FAM53B: variants seen among roughly 807,000 people sequenced by gnomAD.
FAM53B encodes the protein family with sequence similarity 53 member B, also known as protein FAM53B.
In FAM53B, 12 loss-of-function variants were observed where a neutral mutation model predicts 32.7. That is an observed-to-expected ratio of 0.37 (90% CI 0.24 to 0.59). The LOEUF (loss-of-function observed/expected upper bound fraction) is 0.59. Ranked by LOEUF, FAM53B falls within the 20% of genes least tolerant of loss-of-function variation. The probability of loss-of-function intolerance (pLI) is 0.72; values close to 1 mark genes in which losing one functional copy is unlikely to be tolerated. For missense variants in FAM53B, 477 were observed against 577.7 expected (o/e 0.83, Z 1.79); for synonymous variants, 234 against 228.7 (o/e 1.02, Z -0.21).
Position 124,651,379 on chromosome 10 carries a change from C to T in FAM53B, c.907-27775G>A, listed in dbSNP as rs927928478. On this transcript the variant is annotated intron_variant, in intron 4 of 4. Coordinates refer to ENST00000337318, the MANE Select transcript of FAM53B (RefSeq NM_014661.4). The surrounding 1 kb of genome is among the most constrained non-coding windows in gnomAD (Gnocchi z 5.2). ...AGCAGAGGGTGCTGCCTGGCATCCTCCTGAGCCTGCTCTGCTCTGTCCTCC... is the reference window on the plus strand; with the variant it reads ...AGCAGAGGGTGCTGCCTGGCATCCTTCTGAGCCTGCTCTGCTCTGTCCTCC... Among the ~76,000 whole-genome samples, 1 of 152,226 alleles carries T rather than the reference C, an allele frequency of 6.6e-6. No homozygotes were observed. The highest frequency in any genetic ancestry group is 1.5e-5 in the Non-Finnish European group (1 of 68,036).
intron 1 of FAM53B, among the ~76,000 whole-genome samples, chr10:124,711,603 T>C (rs1052609910): frequency 6.6e-6 from 1 of 151,610 alleles, no homozygotes; most frequent in Non-Finnish European, 1.5e-5. Flanking sequence ...ACCAAAAGAG[T>C]GTATTATGCT....
chr10:124,677,590 G>A (rs1398449020), intron 4 of FAM53B, among the ~76,000 whole-genome samples: 8 of 152,230 alleles, frequency 5.3e-5, no homozygotes, highest in East Asian at 1.9e-4. Context: ...GGCTTTCCTC[G>A]CTACAGTCAG....
At chr10:124,654,720 T>G (rs1367558864) in intron 4 of FAM53B, among the ~76,000 whole-genome samples, 1 of 152,050 alleles carries the variant, frequency 6.6e-6, no homozygotes, top group African/African-American at 2.4e-5. Context: ...ATGAGTGGTG[T>G]TGTGGGTAGG....
intron 4 of FAM53B, 37 bp from the exon 5 acceptor site, chr10:124,623,641 C>G: frequency 6.3e-7 from 1 of 1,579,658 alleles, no homozygotes; most frequent in Non-Finnish European, 8.6e-7. Flanking sequence ...CTAAGGGTTA[C>G]TCCCCTCCCG....
chr10:124,732,018 C>T (rs1412667854), intron 1 of FAM53B, among the ~76,000 whole-genome samples: 4 of 152,206 alleles, frequency 2.6e-5, no homozygotes, highest in Non-Finnish European at 5.9e-5. Context: ...CCAGGATCAG[C>T]CCTGAGCAGA....
intron 4 of FAM53B, among the ~76,000 whole-genome samples, chr10:124,629,811 C>T (rs1249213177): frequency 6.6e-6 from 1 of 152,202 alleles, no homozygotes; most frequent in Non-Finnish European, 1.5e-5. Flanking sequence ...TATTTTTGGC[C>T]CATCTTTAAC....
chr10:124,730,210 T>TA (rs974599129), intron 1 of FAM53B, among the ~76,000 whole-genome samples: 1 of 152,194 alleles, frequency 6.6e-6, no homozygotes, highest in Non-Finnish European at 1.5e-5. Flanking sequence ...AACAATGGTA[T>TA]AACCCATCAG....
At chr10:124,731,098 C>A (rs1440234741) in intron 1 of FAM53B, among the ~76,000 whole-genome samples, 4 of 152,176 alleles carry the variant, frequency 2.6e-5, no homozygotes, top group Non-Finnish European at 4.4e-5. Flanking sequence ...AGCTAAATGA[C>A]CTTGGGCACT....
intron 1 of FAM53B, among the ~76,000 whole-genome samples, chr10:124,721,795 C>A (rs938094396): frequency 1.3e-5 from 2 of 152,202 alleles, no homozygotes; most frequent in African/African-American, 4.8e-5. Flanking sequence ...AGTGCCAAAT[C>A]AGCCTGCCCT....
intron 4 of FAM53B, among the ~76,000 whole-genome samples, chr10:124,642,973 C>T (rs1226761802): frequency 2.0e-5 from 3 of 152,208 alleles, no homozygotes; most frequent in East Asian, 1.9e-4. Flanking sequence ...GCAAGAAAAA[C>T]GGACATTCCT....
At chr10:124,720,709 T>C (rs760757162) in intron 1 of FAM53B, among the ~76,000 whole-genome samples, 20 of 152,130 alleles carry the variant, frequency 1.3e-4, no homozygotes, top group Non-Finnish European at 2.5e-4. Context: ...AGTGACTACT[T>C]TGTGACTGCT....
intron 4 of FAM53B, among the ~76,000 whole-genome samples, chr10:124,644,726 T>C (rs1949500436): frequency 6.6e-6 from 1 of 150,984 alleles, no homozygotes; most frequent in Non-Finnish European, 1.5e-5. Flanking sequence ...AACCCGAGAG[T>C]GCAGATGGGT....
At chr10:124,740,488 C>T (rs1412240420) in intron 1 of FAM53B, among the ~76,000 whole-genome samples, 1 of 152,166 alleles carries the variant, frequency 6.6e-6, no homozygotes, top group Non-Finnish European at 1.5e-5. Flanking sequence ...CAGGGTACAT[C>T]AGCATATCTA....
intron 4 of FAM53B, among the ~76,000 whole-genome samples, chr10:124,661,056 TAAAAAAA>T (rs57830542): frequency 7.7e-6 from 1 of 130,538 alleles, no homozygotes; most frequent in African/African-American, 3.0e-5. Context: ...CTACTGAAAT[TAAAAAAA>T]AAAAAAAAAA....
chr10:124,660,708 T>C (rs188161257), intron 4 of FAM53B, among the ~76,000 whole-genome samples: 1 of 152,184 alleles, frequency 6.6e-6, no homozygotes, highest in Non-Finnish European at 1.5e-5. Context: ...ACTTTCCAAA[T>C]GGGGAAATCG....
intron 4 of FAM53B, among the ~76,000 whole-genome samples, chr10:124,642,538 T>G (rs1949483647): frequency 6.6e-6 from 1 of 152,212 alleles, no homozygotes; most frequent in Non-Finnish European, 1.5e-5. Context: ...TCAGGCTGGC[T>G]TGCAGGTGTC....
intron 3 of FAM53B, among the ~76,000 whole-genome samples, chr10:124,684,589 AG>A (rs769930865): frequency 7.2e-5 from 11 of 152,320 alleles, no homozygotes; most frequent in Non-Finnish European, 8.8e-5. Flanking sequence ...GCATAATCTC[AG>A]CTCACTGCAA....
intron 4 of FAM53B, among the ~76,000 whole-genome samples, chr10:124,681,103 T>C (rs1386997380): frequency 3.3e-5 from 5 of 152,116 alleles, no homozygotes; most frequent in African/African-American, 4.8e-5. Context: ...GATCACAACA[T>C]CCTGATGGCC....
chr10:124,645,230 A>G (rs1312811909), intron 4 of FAM53B, among the ~76,000 whole-genome samples: 1 of 152,250 alleles, frequency 6.6e-6, no homozygotes, highest in Non-Finnish European at 1.5e-5. Flanking sequence ...TTCTGTGGTA[A>G]GACCGCCTAT....
Sources: gnomAD v4.1 joint callset for allele counts (sites outside exome capture counted in the v4.1 genomes callset) on GRCh38, gnomAD v4.1.1 for gene constraint, Gnocchi (gnomAD v3.1) non-coding constraint, MANE v1.5 for transcripts, NCBI Gene and HGNC (gene_info 2026-07-23, HGNC 2026-07-21) for gene names.